Variants in RFTN2 observed in about 807,000 individuals in gnomAD.
RFTN2 encodes the protein raftlin-2.
In RFTN2, 34 loss-of-function variants were observed where a neutral mutation model predicts 52.7. The ratio of observed to expected loss-of-function variants is 0.64; its 90% confidence interval spans 0.49 to 0.86. RFTN2 has a LOEUF of 0.86. Ranked by LOEUF, RFTN2 falls within the 40% of genes least tolerant of loss-of-function variation. The probability of loss-of-function intolerance (pLI) is 0.00; values close to 1 mark genes in which losing one functional copy is unlikely to be tolerated. For synonymous variants in RFTN2, 203 were observed against 217.7 expected, an observed-to-expected ratio of 0.93 and a Z score of 0.59; for missense variants, 536 against 600.1, an observed-to-expected ratio of 0.89 and a Z score of 1.12.
chr2:197,570,596 G>A lies in RFTN2; in HGVS notation c.*1412C>T, dbSNP rs116185557. ...ACAAAAATTAGCTGGGCGTGGTGGC[G>A]CACACTGGCTGTAGTTCCAGCTAAT... On this transcript the variant is annotated 3_prime_UTR_variant, in exon 9 of 9. Transcript: ENST00000295049. 129 of 152,304 alleles carry A rather than the reference G, an allele frequency of 8.5e-4. 1 individual carries two copies. The highest frequency in any genetic ancestry group is 1.4e-3 in the African/African-American group (57 of 41,566). 9.4% of individuals were successfully genotyped at this position (152,304 alleles called of 1,614,324 possible).
chr2:197,604,743 T>A (rs1357066641), intron 7 of RFTN2, among the ~76,000 whole-genome samples: 2 of 14,280 alleles, frequency 1.4e-4, no homozygotes, highest in South Asian at 2.0e-3. Flanking sequence ...GCACATTCTA[T>A]TTATTTATTT....
At chr2:197,666,374 C>A (rs189332788) in intron 1 of RFTN2, among the ~76,000 whole-genome samples, 1 of 152,218 alleles carries the variant, frequency 6.6e-6, no homozygotes, top group African/African-American at 2.4e-5. Flanking sequence ...CTGTGCCCAG[C>A]CCTATTTCTC....
chr2:197,666,938 T>C (rs1012935652), intron 1 of RFTN2, among the ~76,000 whole-genome samples: 4 of 152,206 alleles, frequency 2.6e-5, no homozygotes, highest in African/African-American at 9.6e-5. Context: ...CTTGAATGTA[T>C]TTTGTATTTA....
At chr2:197,585,133 G>A (rs562698760) in intron 8 of RFTN2, among the ~76,000 whole-genome samples, 10 of 152,200 alleles carry the variant, frequency 6.6e-5, no homozygotes, top group Admixed American at 1.3e-4. Context: ...CTCCTACTTC[G>A]CTTAAACTCA....
chr2:197,573,467 C>A (rs2087352289), intron 8 of RFTN2, among the ~76,000 whole-genome samples: 1 of 152,160 alleles, frequency 6.6e-6, no homozygotes, highest in Non-Finnish European at 1.5e-5. Context: ...AATTTCTAAG[C>A]AGCAAAGCAT....
intron 1 of RFTN2, among the ~76,000 whole-genome samples, chr2:197,649,728 T>G (rs1449756775): frequency 6.6e-6 from 1 of 152,150 alleles, no homozygotes; most frequent in East Asian, 1.9e-4. Flanking sequence ...GGGTTAGACT[T>G]CAGGGAAATT....
chr2:197,582,974 C>T (rs577204623), intron 8 of RFTN2, among the ~76,000 whole-genome samples: 1 of 152,222 alleles, frequency 6.6e-6, no homozygotes, highest in African/African-American at 2.4e-5. Context: ...TTTCAGCTAT[C>T]AATCTCTTCC....
At position 197,633,857 on chromosome 2, in the gene RFTN2, G is replaced by A. The variant is rs1329876993; in HGVS notation, c.579C>T (p.Asn193=). The change falls in exon 4 of 9, where the codon AAC becomes AAT. Residue 193 remains asparagine (N), a synonymous_variant. Coordinates refer to ENST00000295049, the MANE Select transcript of RFTN2 (RefSeq NM_144629.3). ...ACGTCCCTTCATTCCAACTTCTACA[G>A]TTTTCATCTGAACCGTGTCTCACAT... ...MLHVRHGSDE[N]CRSWNEGTLS... The A allele has an allele frequency of 6.2e-7, 1 of 1,613,826 alleles. No individual in the cohort carries two copies. The highest frequency in any genetic ancestry group is 8.5e-7 in the Non-Finnish European group (1 of 1,179,868).
intron 7 of RFTN2, among the ~76,000 whole-genome samples, chr2:197,610,397 T>C (rs1227456163): frequency 6.6e-6 from 1 of 152,248 alleles, no homozygotes; most frequent in African/African-American, 2.4e-5. Context: ...GGGAGTTCAC[T>C]CATGATTTGG....
chr2:197,572,027 G>A lies in RFTN2; in HGVS notation c.1487C>T (p.Thr496Ile), dbSNP rs1359328974. 1.2e-6 allele frequency: 2 copies of A among 1,614,220 alleles called. No individual in the cohort carries two copies. The highest frequency in any genetic ancestry group is 2.2e-5 in the South Asian group (2 of 91,076). ...DGQFDQEDGV[T>I]QVTCM ...CATGGCTCACATACAAGTGACCTGA[G>A]TCACTCCATCTTCCTGATCAAACTG... Residue 496 changes from threonine to isoleucine, a missense_variant, in exon 9 of 9, where the codon ACT becomes ATT. By Grantham distance (89) the Thr-to-Ile change is moderately conservative. Coordinates refer to ENST00000295049, the MANE Select transcript of RFTN2 (RefSeq NM_144629.3).
chr2:197,579,558 C>T (rs776577688), intron 8 of RFTN2, among the ~76,000 whole-genome samples: 5 of 152,150 alleles, frequency 3.3e-5, no homozygotes, highest in African/African-American at 7.2e-5. Context: ...TAATTCTTGT[C>T]GTGAAATGGG....
At chr2:197,671,624 T>C (rs2089148848) in intron 1 of RFTN2, among the ~76,000 whole-genome samples, 1 of 152,230 alleles carries the variant, frequency 6.6e-6, no homozygotes, top group Non-Finnish European at 1.5e-5. Flanking sequence ...TTCTTTTTTA[T>C]ATTTCCAATG....
chr2:197,610,087 T>C (rs1222626745), intron 7 of RFTN2, among the ~76,000 whole-genome samples: 5 of 152,246 alleles, frequency 3.3e-5, no homozygotes, highest in Non-Finnish European at 7.3e-5. Flanking sequence ...TAGGATTTTC[T>C]TGGCAATGTG....
At chr2:197,586,960 A>G (rs2087609464) in intron 8 of RFTN2, among the ~76,000 whole-genome samples, 1 of 152,198 alleles carries the variant, frequency 6.6e-6, no homozygotes, top group South Asian at 2.1e-4. Context: ...TCTCCAACCA[A>G]GCAAGTAATT....
intron 8 of RFTN2, among the ~76,000 whole-genome samples, chr2:197,582,280 C>T (rs2087523236): frequency 6.6e-6 from 1 of 152,364 alleles, no homozygotes; most frequent in Admixed American, 6.5e-5. Context: ...TTCAGCTATA[C>T]TCACTCTTTG....
chr2:197,607,789 C>T (rs1424265134), intron 7 of RFTN2, among the ~76,000 whole-genome samples: 1 of 152,098 alleles, frequency 6.6e-6, no homozygotes, highest in Non-Finnish European at 1.5e-5. Context: ...TCTCAGGTAT[C>T]AGTATGTGTT....
At chr2:197,617,069 T>A (rs1049843703) in intron 6 of RFTN2, among the ~76,000 whole-genome samples, 2 of 152,220 alleles carry the variant, frequency 1.3e-5, no homozygotes, top group African/African-American at 4.8e-5. Flanking sequence ...GTGTACATAT[T>A]TGGCCTGGCG....
At chr2:197,603,701 G>A (rs2087915184) in intron 7 of RFTN2, among the ~76,000 whole-genome samples, 1 of 152,146 alleles carries the variant, frequency 6.6e-6, no homozygotes, top group African/African-American at 2.4e-5. Flanking sequence ...GATCTCTGGA[G>A]GTCAGGAGTT....
At chr2:197,607,286 C>A (rs906158905) in intron 7 of RFTN2, among the ~76,000 whole-genome samples, 7 of 151,906 alleles carry the variant, frequency 4.6e-5, no homozygotes, top group African/African-American at 7.3e-5. Context: ...ACAACGAGAA[C>A]ACATGGACAC....
Sources: allele counts gnomAD v4.1 joint callset (sites outside exome capture counted in the v4.1 genomes callset), GRCh38; gene constraint gnomAD v4.1.1; transcripts MANE v1.5; gene names NCBI Gene and HGNC (gene_info 2026-07-23, HGNC 2026-07-21).